Variants in CROT observed in about 807,000 individuals in gnomAD.
The protein encoded by CROT is carnitine O-octanoyltransferase.
Under a neutral mutation model 89.2 loss-of-function variants are expected in CROT, and 84 were observed. The ratio of observed to expected loss-of-function variants is 0.94; its 90% confidence interval spans 0.79 to 1.13. The LOEUF (loss-of-function observed/expected upper bound fraction) is 1.13, where lower values mean the gene tolerates loss of function less well. Among genes scored for constraint, CROT ranks in the 50% most tolerant of loss-of-function variants. The pLI is 0.00. For missense variants in CROT, 711 were observed against 727.8 expected (o/e 0.98, Z 0.27); for synonymous variants, 212 against 239.5 (o/e 0.89, Z 1.06).
chr7:87,347,133 C>G lies in CROT; in HGVS notation c.-22+703C>G, dbSNP rs1215876858. Reference sequence around the variant, plus strand: ...TGTCTGCCACTGGCCAGAGAAAGCTCTTTGCTCTTATGGACTCAAGTGATT... The same window carrying G: ...TGTCTGCCACTGGCCAGAGAAAGCTGTTTGCTCTTATGGACTCAAGTGATT... On this transcript the variant is annotated intron_variant, in intron 2 of 17. Coordinates refer to ENST00000331536, the MANE Select transcript of CROT (RefSeq NM_021151.4). Among the ~76,000 whole-genome samples, 4 of 152,222 alleles carry G rather than the reference C, an allele frequency of 2.6e-5. No individual in the cohort carries two copies. In the East Asian group the frequency reaches 7.7e-4, roughly 29 times the overall value.
chr7:87,396,098 A>G (rs566585359), intron 17 of CROT, among the ~76,000 whole-genome samples: 1 of 152,270 alleles, frequency 6.6e-6, no homozygotes, highest in East Asian at 1.9e-4. Context: ...GAGATTGTCG[A>G]TATGGCAAAA....
At chr7:87,397,212 G>A (rs943245934) in intron 17 of CROT, among the ~76,000 whole-genome samples, 4 of 152,010 alleles carry the variant, frequency 2.6e-5, no homozygotes, top group African/African-American at 4.8e-5. Flanking sequence ...ATTAGCTGGT[G>A]TGGTAGCACA....
chr7:87,382,607 C>A (rs565722452), intron 13 of CROT, 64 bp downstream of exon 13: 3 of 1,489,978 alleles, frequency 2.0e-6, no homozygotes, highest in African/African-American at 2.8e-5. Flanking sequence ...TTTTTTATAG[C>A]TATTTCATCC....
intron 6 of CROT, among the ~76,000 whole-genome samples, chr7:87,363,976 T>C (rs1303003418): frequency 2.0e-5 from 3 of 152,224 alleles, no homozygotes; most frequent in African/African-American, 7.2e-5. Flanking sequence ...TTCAACATAT[T>C]TGGCTTGAGC....
chr7:87,374,110 A>T (rs543696053), intron 7 of CROT, among the ~76,000 whole-genome samples: 1 of 152,026 alleles, frequency 6.6e-6, no homozygotes, highest in South Asian at 2.1e-4. Flanking sequence ...TAGAATATTT[A>T]AAAAAATATA....
At position 87,389,292 on chromosome 7, in the gene CROT, T is replaced by C. The variant is rs112359936; in HGVS notation, c.1302-2297T>C. Among the ~76,000 whole-genome samples, 563 of 152,330 alleles carry C rather than the reference T, an allele frequency of 3.7e-3. 3 individuals are homozygous for C. Among genetic ancestry groups the C allele is most frequent in the African/African-American group, 0.013 (534 of 41,566 alleles). On this transcript the variant is annotated intron_variant, in intron 13 of 17. Coordinates refer to ENST00000331536, the MANE Select transcript of CROT (RefSeq NM_021151.4). ...TGCTAGATATATACCCAAAGGATTA[T>C]AAATCTTTCTACTATAAAGATACAT...
chr7:87,346,240 C>G (rs150044315), intron 1 of CROT, 100 bp from the exon 2 acceptor site: 4 of 152,372 alleles, frequency 2.6e-5, no homozygotes, highest in African/African-American at 9.6e-5. Flanking sequence ...CTTGGGAACT[C>G]CCAACTCCTA....
chr7:87,394,145 A>C (rs1244426894), intron 17 of CROT, among the ~76,000 whole-genome samples: 1 of 152,166 alleles, frequency 6.6e-6, no homozygotes, highest in East Asian at 1.9e-4. Flanking sequence ...TTCAATCATA[A>C]TTGCATTAAA....
At chr7:87,351,222 T>C (rs1437451110) in intron 3 of CROT, among the ~76,000 whole-genome samples, 2 of 139,130 alleles carry the variant, frequency 1.4e-5, no homozygotes, top group East Asian at 4.2e-4. Flanking sequence ...GACAGGAGAA[T>C]GGCGTGAACC....
rs113489014 is a variant in CROT, at chr7:87,348,793, C to G, written c.-21-255C>G. 5.1e-4 allele frequency among the ~76,000 whole-genome samples: 77 copies of G among 152,320 alleles called. 1 individual carries two copies. The highest frequency in any genetic ancestry group is 8.7e-4 in the African/African-American group (36 of 41,560). On this transcript the variant is annotated intron_variant, in intron 2 of 17. Transcript: ENST00000331536. The stretch of plus-strand genomic sequence containing the variant: ...TGCAAACTGGAGTACCTGGCAAATG[C>G]TAGGTGTTCAATAAATGGTAACTAA...
At chr7:87,398,192 C>A (rs1307230682) in intron 17 of CROT, 7 of 439,712 alleles carry the variant, frequency 1.6e-5, no homozygotes, top group African/African-American at 8.2e-5. Context: ...TATTCCAACT[C>A]ATTCCAGTAG....
intron 6 of CROT, among the ~76,000 whole-genome samples, chr7:87,362,595 T>C (rs1806318093): frequency 6.6e-6 from 1 of 151,986 alleles, no homozygotes; most frequent in Non-Finnish European, 1.5e-5. Flanking sequence ...CATGCCCGGC[T>C]TGGAGTCACT....
At chr7:87,353,716 A>G (rs916611274) in intron 3 of CROT, among the ~76,000 whole-genome samples, 6 of 152,304 alleles carry the variant, frequency 3.9e-5, no homozygotes, top group Admixed American at 2.0e-4. Context: ...AGAAAGAGAG[A>G]GTGACAGTGA....
rs61734463 is a variant in CROT at position 87,359,222 on chromosome 7, T to G, written c.132T>G (p.Asn44Lys). The G allele has an allele frequency of 3.2e-4, 500 of 1,581,386 alleles. 2 individuals are homozygous for G. In the African/African-American group the frequency reaches 6.1e-3, roughly 19 times the overall value. ...KYLESVKPFA[N>K]QEEYKKTEEI... is the part of the protein sequence containing the mutation. Reference sequence around the variant, plus strand: ...CCTTTCTAGTGAAACCATTTGCAAATCAAGAAGAATATAAGAAAACTGAAG... The same window carrying G: ...CCTTTCTAGTGAAACCATTTGCAAAGCAAGAAGAATATAAGAAAACTGAAG... Residue 44 changes from asparagine to lysine, a missense_variant, in exon 4 of 18, where the codon AAT becomes AAG. Coordinates refer to ENST00000331536, the MANE Select transcript of CROT (RefSeq NM_021151.4).
rs776231648 is a variant in CROT at position 87,391,659 on chromosome 7, T to G, written c.1372T>G (p.Cys458Gly). The G allele has an allele frequency of 1.2e-6, 2 of 1,611,966 alleles. No homozygotes were observed. Among genetic ancestry groups the G allele is most frequent in the Non-Finnish European group, 1.7e-6 (2 of 1,179,140 alleles). The change falls in exon 14 of 18, where the codon TGC (cysteine) becomes GGC (glycine). Residue 458 changes from cysteine to glycine, a missense_variant. Coordinates refer to ENST00000331536, the MANE Select transcript of CROT (RefSeq NM_021151.4). The part of the protein sequence containing the change: ...YHGRTETMRS[C>G]TVEAVRWCQS... Reference sequence around the variant, plus strand: ...TGGCCGTACAGAGACTATGCGATCATGCACAGTTGAAGCAGTGAGGTGGTG... The same window carrying G: ...TGGCCGTACAGAGACTATGCGATCAGGCACAGTTGAAGCAGTGAGGTGGTG...
chr7:87,361,194 C>A (rs1806256535), intron 4 of CROT, among the ~76,000 whole-genome samples, 196 bp from the exon 5 acceptor site: 2 of 151,780 alleles, frequency 1.3e-5, no homozygotes, highest in Non-Finnish European at 2.9e-5. Flanking sequence ...AGGTCCTGGA[C>A]TCAAGTGATC....
At chr7:87,354,668 T>C (rs909901543) in intron 3 of CROT, among the ~76,000 whole-genome samples, 1 of 152,054 alleles carries the variant, frequency 6.6e-6, no homozygotes, top group Admixed American at 6.5e-5. Flanking sequence ...ATCTCAGACC[T>C]CAAAAAAGCA....
At chr7:87,361,060 CT>C (rs1806251904) in intron 4 of CROT, among the ~76,000 whole-genome samples, 1 of 152,120 alleles carries the variant, frequency 6.6e-6, no homozygotes, top group South Asian at 2.1e-4. Context: ...CCTTGAACTC[CT>C]GGGCTCAGGT....
At chr7:87,355,799 C>A (rs1044995564) in intron 3 of CROT, among the ~76,000 whole-genome samples, 1 of 151,810 alleles carries the variant, frequency 6.6e-6, no homozygotes, top group Non-Finnish European at 1.5e-5. Context: ...CCTGTGTCTC[C>A]TGGGGCCTAG....
Sources: allele counts gnomAD v4.1 joint callset (sites outside exome capture counted in the v4.1 genomes callset), GRCh38; gene constraint gnomAD v4.1.1; transcripts MANE v1.5; gene names NCBI Gene and HGNC (gene_info 2026-07-23, HGNC 2026-07-21).